RASGRP3: variants seen among roughly 807,000 people sequenced by gnomAD.
RASGRP3 encodes the protein ras guanyl-releasing protein 3.
Under a neutral mutation model 82.7 loss-of-function variants are expected in RASGRP3, and 54 were observed. The observed-to-expected ratio is 0.65, with a 90% CI of 0.52 to 0.82. RASGRP3 has a LOEUF of 0.82. RASGRP3 is among the 40% of genes least tolerant of loss of function. The pLI, the probability that RASGRP3 is intolerant of heterozygous loss-of-function variation, is 0.00. For missense variants in RASGRP3, 861 were observed against 828.9 expected, an observed-to-expected ratio of 1.04 and a Z score of -0.48; for synonymous variants, 309 against 300.5, an observed-to-expected ratio of 1.03 and a Z score of -0.29.
rs1308541079 is a variant in RASGRP3, at chr2:33,542,362, G to T, written c.1279-1150G>T. Among the ~76,000 whole-genome samples the T allele has an allele frequency of 2.7e-5, 4 of 146,192 alleles. 1 individual carries two copies. Among genetic ancestry groups the T allele is most frequent in the African/African-American group, 9.8e-5 (4 of 40,972 alleles). On this transcript the variant is annotated intron_variant, in intron 12 of 17. Transcript: ENST00000403687. ...TGTAGAATATTTGATTTCTGAAAGGGCATGTTCCCCCTCATTACTCTTCAT... is the reference window on the plus strand; with the variant it reads ...TGTAGAATATTTGATTTCTGAAAGGTCATGTTCCCCCTCATTACTCTTCAT...
At position 33,486,222 on chromosome 2, in the gene RASGRP3, T is replaced by C. The variant is rs145260706; in HGVS notation, c.-261+9515T>C. 1.5e-4 allele frequency among the ~76,000 whole-genome samples: 22 copies of C among 151,398 alleles called. No individual in the cohort carries two copies. The East Asian group carries it at 4.1e-3, about 28-fold the overall frequency. ...CTCTGTCACCTAGTCTGGGGTATAG[T>C]GGCACAATCTTGGCTCACTGCTACC... On this transcript the variant is annotated intron_variant, in intron 1 of 17. Transcript: ENST00000403687.
In RASGRP3 at chr2:33,521,993, A is replaced by T. The variant is rs1316335412; in HGVS notation, c.407A>T (p.Lys136Ile). The T allele has an allele frequency of 1.2e-6, 2 of 1,613,912 alleles. No homozygotes were observed. The highest frequency in any genetic ancestry group is 1.1e-5 in the South Asian group (1 of 91,062). The change falls in exon 7 of 18, where the codon AAA becomes ATA. Residue 136 changes from lysine (K) to isoleucine (I), a missense_variant. Lys to Ile is a moderately radical substitution (Grantham distance 102). Coordinates refer to ENST00000403687, the MANE Select transcript of RASGRP3 (RefSeq NM_001139488.2). ...TGGATGAGAAGAGTCACACAGAGGAAAAAAGTATCCAAGAAGGGAAAAGCC... is the reference window on the plus strand; with the variant it reads ...TGGATGAGAAGAGTCACACAGAGGATAAAAGTATCCAAGAAGGGAAAAGCC... ...YDWMRRVTQR[K>I]KVSKKGKACL...
At chr2:33,450,098 C>T (rs1394222689) in intron 2 of RASGRP3, among the ~76,000 whole-genome samples, 1 of 152,088 alleles carries the variant, frequency 6.6e-6, no homozygotes, top group Non-Finnish European at 1.5e-5. Context: ...TTCCAGCCCC[C>T]AAGCTTTATT....
intron 4 of RASGRP3, among the ~76,000 whole-genome samples, chr2:33,517,220 A>G (rs1273853008): frequency 5.3e-5 from 8 of 152,232 alleles, no homozygotes. Context: ...CCATTCCGTA[A>G]TGAAGGCTTT....
chr2:33,436,446 G>C (rs1226012886), exon 1 of RASGRP3: 1 of 152,198 alleles, frequency 6.6e-6, no homozygotes, highest in Non-Finnish European at 1.5e-5. Context: ...CTAGATTTGG[G>C]CAATGGAGGT....
chr2:33,504,501 C>G lies in RASGRP3; in HGVS notation c.-260-7209C>G, dbSNP rs184557215. Among the ~76,000 whole-genome samples the G allele has an allele frequency of 1.2e-4, 18 of 152,342 alleles. No homozygotes were observed. In the East Asian group the frequency reaches 1.3e-3, roughly 11 times the overall value. ...ATAAACATTGGCTTTTGTGCCCAGCCAAACTAATGCCTTTCTCTGAAAACC... is the reference window on the plus strand; with the variant it reads ...ATAAACATTGGCTTTTGTGCCCAGCGAAACTAATGCCTTTCTCTGAAAACC... On this transcript the variant is annotated intron_variant, in intron 1 of 17. Transcript: ENST00000403687.
intron 1 of RASGRP3, among the ~76,000 whole-genome samples, chr2:33,494,165 A>G (rs1478962415): frequency 6.6e-6 from 1 of 152,156 alleles, no homozygotes; most frequent in Non-Finnish European, 1.5e-5. Context: ...GCAACTAAGT[A>G]AAAAAATCCC....
chr2:33,549,632 A>G lies in RASGRP3; in HGVS notation c.1423A>G (p.Met475Val), dbSNP rs755406186. Residue 475 changes from methionine (M) to valine (V), a missense_variant, in exon 14 of 18, where the codon ATG (methionine) becomes GTG (valine). Physicochemically the swap from Met to Val is conservative, Grantham distance 21 (BLOSUM62 1). Transcript: ENST00000403687. ...TGGCCTAATTAGTAAAGATGAAATG[A>G]TGGCTTACTTCCTGAGAGCTAAATC... is the stretch of plus-strand genomic sequence containing the variant. Reference protein sequence around the residue: ...QDGLISKDEMMAYFLRAKSQL... With the variant: ...QDGLISKDEMVAYFLRAKSQL... 1.7e-5 allele frequency: 27 copies of G among 1,613,298 alleles called. No homozygotes were observed. Among genetic ancestry groups the G allele is most frequent in the African/African-American group, 4.0e-5 (3 of 74,908 alleles).
At chr2:33,547,200 A>T (rs190302059) in intron 13 of RASGRP3, among the ~76,000 whole-genome samples, 1 of 152,224 alleles carries the variant, frequency 6.6e-6, no homozygotes, top group African/African-American at 2.4e-5. Flanking sequence ...GTGAGAGCTA[A>T]ATGATGAGAA....
At chr2:33,554,800 G>T (rs1361541238) in intron 14 of RASGRP3, among the ~76,000 whole-genome samples, 3 of 152,112 alleles carry the variant, frequency 2.0e-5, no homozygotes, top group African/African-American at 4.8e-5. Flanking sequence ...GTGTTTAGAA[G>T]GAGTCTGTCT....
chr2:33,522,247 CT>C, intron 7 of RASGRP3, 145 bp downstream of exon 7: 1 of 880,646 alleles, frequency 1.1e-6, no homozygotes, highest in South Asian at 1.8e-5. Flanking sequence ...GGAACAATCC[CT>C]TTTAACCAAA....
At position 33,549,648 on chromosome 2, in the gene RASGRP3, G is replaced by T; in HGVS notation, c.1439G>T (p.Arg480Ile). ...SKDEMMAYFL[R>I]AKSQLHCKMG... ...GATGAAATGATGGCTTACTTCCTGA[G>T]AGCTAAATCCCAACTACACTGTAAA... The change falls in exon 14 of 18, where the codon AGA (arginine) becomes ATA (isoleucine). Residue 480 changes from arginine to isoleucine, a missense_variant. Arg to Ile is a moderately conservative substitution (Grantham distance 97, BLOSUM62 -3). Transcript: ENST00000403687. 6.2e-7 allele frequency: 1 copy of T among 1,613,650 alleles called. No individual in the cohort carries two copies. The highest frequency in any genetic ancestry group is 1.1e-5 in the South Asian group (1 of 91,010).
intron 1 of RASGRP3, among the ~76,000 whole-genome samples, chr2:33,492,230 G>T (rs535473598): frequency 6.6e-6 from 1 of 152,272 alleles, no homozygotes; most frequent in South Asian, 2.1e-4. Context: ...CAGGAATTTT[G>T]ATTTCCCTTT....
At chr2:33,459,254 C>T (rs1666217727) in intron 2 of RASGRP3, among the ~76,000 whole-genome samples, 1 of 152,094 alleles carries the variant, frequency 6.6e-6, no homozygotes, top group African/African-American at 2.4e-5. Flanking sequence ...CCTGCCTCAG[C>T]CTCCCGAGTA....
At chr2:33,552,967 C>T (rs2151099911) in intron 14 of RASGRP3, among the ~76,000 whole-genome samples, 1 of 152,294 alleles carries the variant, frequency 6.6e-6, no homozygotes, top group South Asian at 2.1e-4. Context: ...ATGAGTTCAT[C>T]CTCTACTGTT....
At chr2:33,473,390 A>AG (rs1176885706), upstream of RASGRP3, among the ~76,000 whole-genome samples, 5 of 152,024 alleles carry the variant, frequency 3.3e-5, no homozygotes, top group Admixed American at 2.0e-4. Context: ...CTCAAAAAAA[A>AG]AAGCAAAAAA....
At chr2:33,447,226 A>C (rs1180997244) in intron 1 of RASGRP3, among the ~76,000 whole-genome samples, 1 of 152,106 alleles carries the variant, frequency 6.6e-6, no homozygotes, top group Non-Finnish European at 1.5e-5. Context: ...AAACAGTGAG[A>C]ATCAGGGACC....
chr2:33,488,954 AT>A (rs5830263), intron 1 of RASGRP3, among the ~76,000 whole-genome samples: 9,948 of 147,068 alleles, frequency 0.068, 347 homozygotes, highest in Non-Finnish European at 0.08. Flanking sequence ...GGTTTGACCG[AT>A]TTTTTTTTTT....
chr2:33,451,672 A>G (rs190501878), intron 2 of RASGRP3, among the ~76,000 whole-genome samples: 6 of 151,820 alleles, frequency 4.0e-5, no homozygotes, highest in Non-Finnish European at 4.4e-5. Flanking sequence ...GTCTTTTGAG[A>G]ATTTGATTGT....
Sources: gnomAD v4.1 joint callset for allele counts (sites outside exome capture counted in the v4.1 genomes callset) on GRCh38, gnomAD v4.1.1 for gene constraint, MANE v1.5 for transcripts, NCBI Gene and HGNC (gene_info 2026-07-23, HGNC 2026-07-21) for gene names.